EFHB: variants seen among roughly 807,000 people sequenced by gnomAD.
EFHB encodes EF-hand domain family member B, also known as EF-hand domain-containing family member B.
Under a neutral mutation model 87.2 loss-of-function variants are expected in EFHB, and 91 were observed. That is an observed-to-expected ratio of 1.04 (90% CI 0.88 to 1.24). The LOEUF is 1.24. EFHB is among the 50% of genes most tolerant of loss of function. The pLI is 0.00. For synonymous variants in EFHB, 325 were observed against 333.6 expected (o/e 0.97, Z 0.28); for missense variants, 1,084 against 998.8 (o/e 1.09, Z -1.15).
intron 9 of EFHB, 64 bp from the exon 10 acceptor site, chr3:19,888,715 T>C: frequency 7.6e-7 from 1 of 1,308,400 alleles, no homozygotes; most frequent in Middle Eastern, 1.9e-4. Context: ...GTAGGCAACA[T>C]TATTTAGTTT....
intron 1 of EFHB, among the ~76,000 whole-genome samples, chr3:19,925,011 C>G (rs374635978): frequency 7.9e-5 from 12 of 151,992 alleles, no homozygotes; most frequent in Admixed American, 5.9e-4. Flanking sequence ...TTTGGGAAGC[C>G]GAGGTGGGCG....
At chr3:19,922,254 G>A (rs1575037541) in intron 1 of EFHB, among the ~76,000 whole-genome samples, 2 of 152,208 alleles carry the variant, frequency 1.3e-5, no homozygotes, top group East Asian at 3.8e-4. Flanking sequence ...TGAGCTGAAG[G>A]CAGTTAAGAA....
chr3:19,937,502 T>C (rs1023998638), upstream of EFHB, among the ~76,000 whole-genome samples: 1 of 152,090 alleles, frequency 6.6e-6, no homozygotes, highest in Non-Finnish European at 1.5e-5. Context: ...ACCAAAGCTC[T>C]GATCAAACTG....
intron 9 of EFHB, among the ~76,000 whole-genome samples, chr3:19,892,528 C>G (rs538674342): frequency 1.7e-4 from 26 of 152,234 alleles, no homozygotes; most frequent in Admixed American, 3.3e-4. Context: ...CATGCAACAG[C>G]AATCCCGGGC....
upstream of EFHB, chr3:19,936,483 G>C (rs1696025019): frequency 6.7e-6 from 3 of 448,846 alleles, no homozygotes; most frequent in Non-Finnish European, 1.2e-5. Flanking sequence ...AGGATCACTT[G>C]AGCCCAGGAA....
chr3:19,936,444 G>A (rs1575055420), upstream of EFHB: 1 of 467,840 alleles, frequency 2.1e-6, no homozygotes, highest in Non-Finnish European at 3.8e-6. Flanking sequence ...CATGCCTATA[G>A]TCCTAGCTAC....
intron 8 of EFHB, among the ~76,000 whole-genome samples, chr3:19,897,788 C>A (rs6791245): frequency 0.054 from 8,235 of 152,212 alleles, 670 homozygotes; most frequent in African/African-American, 0.18. Flanking sequence ...GGATAGGCAT[C>A]CATCAAACAT....
intron 1 of EFHB, among the ~76,000 whole-genome samples, chr3:19,927,532 G>A (rs1695673598): frequency 6.6e-6 from 1 of 152,128 alleles, no homozygotes; most frequent in Non-Finnish European, 1.5e-5. Flanking sequence ...CACCAACTTT[G>A]GGCAGCAACT....
upstream of EFHB, among the ~76,000 whole-genome samples, chr3:19,938,482 T>G (rs1696073429): frequency 6.6e-6 from 1 of 152,198 alleles, no homozygotes; most frequent in South Asian, 2.1e-4. Context: ...TAAAGCCAAG[T>G]GTAGTAAAAT....
rs537272513 is a variant in EFHB, at chr3:19,908,401, C to T, written c.1289-2652G>A. ...TACAGAAATTAGCCAGGCATGGTGG[C>T]GGGCGCCTGTAATCCCAGCTACTTG... On this transcript the variant is annotated intron_variant, in intron 5 of 12. Transcript: ENST00000295824. 2.6e-5 allele frequency among the ~76,000 whole-genome samples: 4 copies of T among 151,900 alleles called. No individual in the cohort carries two copies. In the South Asian group the frequency reaches 6.2e-4, roughly 24 times the overall value.
chr3:19,924,494 G>C (rs892040001), intron 1 of EFHB, among the ~76,000 whole-genome samples: 1 of 152,110 alleles, frequency 6.6e-6, no homozygotes, highest in Non-Finnish European at 1.5e-5. Context: ...TTACAGGCAT[G>C]AGCCACTGCG....
intron 1 of EFHB, among the ~76,000 whole-genome samples, chr3:19,932,891 T>C (rs552876514): frequency 6.6e-6 from 1 of 152,168 alleles, no homozygotes; most frequent in Non-Finnish European, 1.5e-5. Context: ...ACTTTTCTTT[T>C]CCATTCATAG....
At chr3:19,918,781 C>G (rs549685055) in intron 3 of EFHB, among the ~76,000 whole-genome samples, 3 of 150,382 alleles carry the variant, frequency 2.0e-5, no homozygotes, top group African/African-American at 7.4e-5. Context: ...TTGAGACCAG[C>G]CTGGCCAACA....
At chr3:19,882,495 A>G (rs1037254206) in intron 12 of EFHB, 55 bp downstream of exon 12, 2 of 1,372,032 alleles carry the variant, frequency 1.5e-6, no homozygotes, top group Admixed American at 2.9e-5. Context: ...AAATTCTAAA[A>G]TAGTAGTTGT....
intron 11 of EFHB, among the ~76,000 whole-genome samples, chr3:19,883,083 C>A (rs1330546942): frequency 6.6e-6 from 1 of 152,088 alleles, no homozygotes; most frequent in East Asian, 1.9e-4. Flanking sequence ...TCACTGCAGC[C>A]TTGAACTCCT....
upstream of EFHB, among the ~76,000 whole-genome samples, chr3:19,935,356 A>T (rs1408588401): frequency 6.6e-6 from 1 of 152,160 alleles, no homozygotes; most frequent in Non-Finnish European, 1.5e-5. Flanking sequence ...TAATGAAAGT[A>T]TATTTGGTAA....
intron 6 of EFHB, among the ~76,000 whole-genome samples, chr3:19,902,224 A>T (rs1694694936): frequency 6.6e-6 from 1 of 152,178 alleles, no homozygotes; most frequent in African/African-American, 2.4e-5. Context: ...ATGCGCACAA[A>T]CACATGCACT....
At position 19,888,562 on chromosome 3, in the gene EFHB, T is replaced by C. The variant is rs113536030; in HGVS notation, c.1815A>G (p.Leu605=). 24 of 1,599,984 alleles carry C rather than the reference T, an allele frequency of 1.5e-5. No homozygotes were observed. The highest frequency in any genetic ancestry group is 1.3e-4 in the African/African-American group (10 of 74,912). The change falls in exon 10 of 13, where the codon CTA becomes CTG. Residue 605 remains leucine (L), a synonymous_variant. Transcript: ENST00000295824. The part of the protein sequence containing the change: ...LSLDDKLLDQ[L]FDYCDVDNDG... Reference sequence around the variant, plus strand: ...CATTATCCACATCACAGTAGTCAAATAGCTGGTCCAGGAGCTTGTCATCTA... The same window carrying C: ...CATTATCCACATCACAGTAGTCAAACAGCTGGTCCAGGAGCTTGTCATCTA...
intron 1 of EFHB, among the ~76,000 whole-genome samples, chr3:19,924,257 A>G (rs1443005528): frequency 6.9e-6 from 1 of 144,754 alleles, no homozygotes; most frequent in East Asian, 2.0e-4. Flanking sequence ...TCTGTTGCCC[A>G]GGCTGGAGTG....
Sources: allele counts gnomAD v4.1 joint callset (sites outside exome capture counted in the v4.1 genomes callset), GRCh38; gene constraint gnomAD v4.1.1; transcripts MANE v1.5; gene names NCBI Gene and HGNC (gene_info 2026-07-23, HGNC 2026-07-21).